Variants in PRDM1 observed in about 807,000 individuals in gnomAD.
PRDM1 encodes the protein PR/SET domain 1.
Under a neutral mutation model 62.8 loss-of-function variants are expected in PRDM1, and 13 were observed. That is an observed-to-expected ratio of 0.21 (90% confidence interval 0.13 to 0.33). The LOEUF (loss-of-function observed/expected upper bound fraction) is 0.33, where lower values mean the gene tolerates loss of function less well. Ranked by LOEUF, PRDM1 falls within the 10% of genes least tolerant of loss-of-function variation. The pLI is 1.00. For missense variants in PRDM1, 895 were observed against 1,058.8 expected (o/e 0.85, Z 2.15); for synonymous variants, 396 against 417.6 (o/e 0.95, Z 0.63).
Position 106,106,286 on chromosome 6 carries a change from G to A in PRDM1, c.1774-85G>A. On this transcript the variant is annotated intron_variant, in intron 5 of 6. Coordinates refer to ENST00000369096, the MANE Select transcript of PRDM1 (RefSeq NM_001198.4). The surrounding 1 kb of genome is among the most constrained non-coding windows in gnomAD (Gnocchi z 4.4). ...TCTTGATGCTTTTCTTAAGATATTT[G>A]CATCAACACTTGAGTCTTGGAGCAG... is the stretch of plus-strand genomic sequence containing the variant. 2.6e-6 allele frequency: 4 copies of A among 1,522,272 alleles called. No homozygotes were observed. In the South Asian group the frequency reaches 4.8e-5, roughly 18 times the overall value. 94.3% of individuals were successfully genotyped at this position (1,522,272 alleles called of 1,614,324 possible). A position where few individuals can be genotyped will look rare whatever the true frequency, so the allele number is the denominator to read the frequency against.
At chr6:106,074,388 T>C (rs1773567929) in intron 1 of PRDM1, among the ~76,000 whole-genome samples, 1 of 152,230 alleles carries the variant, frequency 6.6e-6, no homozygotes, top group African/African-American at 2.4e-5. Flanking sequence ...TCACAGCATG[T>C]TGTATAATAA....
At position 106,109,354 on chromosome 6, in the gene PRDM1, C is replaced by T. The variant is rs1054087387; in HGVS notation, c.*1868C>T. 1.3e-5 allele frequency: 3 copies of T among 232,524 alleles called. No homozygotes were observed. The highest frequency in any genetic ancestry group is 6.6e-5 in the African/African-American group (3 of 45,290). 14.4% of individuals were successfully genotyped at this position (232,524 alleles called of 1,614,324 possible). ...ACACCCAAGTCACAGAAATAAAAAACTGACTTTACCGCTGCAATTTTTCTG... is the reference window on the plus strand; with the variant it reads ...ACACCCAAGTCACAGAAATAAAAAATTGACTTTACCGCTGCAATTTTTCTG... On this transcript the variant is annotated 3_prime_UTR_variant, in exon 7 of 7. Transcript: ENST00000369096.
At chr6:105,998,918 TATATATA>T (rs1279084931) in intron 1 of PRDM1, among the ~76,000 whole-genome samples, 1 of 2,466 alleles carries the variant, frequency 4.1e-4, no homozygotes, top group Admixed American at 3.7e-3. Flanking sequence ...TATATATATA[TATATATA>T]TATATATATT....
chr6:106,048,889 C>T (rs758110359), intron 1 of PRDM1, among the ~76,000 whole-genome samples: 13 of 151,856 alleles, frequency 8.6e-5, no homozygotes, highest in South Asian at 2.1e-4. Context: ...CGTACAGTGG[C>T]GTGATCTCGG....
In PRDM1 at chr6:106,061,347, A is replaced by C. The variant is rs536575411; in HGVS notation, c.-67+12633A>C. Reference sequence around the variant, plus strand: ...TAGATGGTTCCACTGATCCGGACTGAGTGCCTTCCAGCAGTTCAGCAGTTA... The same window carrying C: ...TAGATGGTTCCACTGATCCGGACTGCGTGCCTTCCAGCAGTTCAGCAGTTA... On this transcript the variant is annotated intron_variant, in intron 1 of 6. Transcript: ENST00000651185. 6.4e-5 allele frequency among the ~76,000 whole-genome samples: 9 copies of C among 139,904 alleles called. No individual in the cohort carries two copies. The East Asian group carries it at 2.0e-3, about 31-fold the overall frequency. 91.8% of individuals were successfully genotyped at this position (139,904 alleles called of 152,430 possible).
At chr6:106,067,744 A>G (rs1773455232) in intron 1 of PRDM1, among the ~76,000 whole-genome samples, 1 of 152,192 alleles carries the variant, frequency 6.6e-6, no homozygotes, top group African/African-American at 2.4e-5. Flanking sequence ...TTATTGCTTA[A>G]TAGGATCAGA....
chr6:106,097,161 A>G (rs1043604428), intron 3 of PRDM1, among the ~76,000 whole-genome samples: 2 of 152,232 alleles, frequency 1.3e-5, no homozygotes, highest in Non-Finnish European at 2.9e-5. Context: ...CACCTGACTT[A>G]CAATGGTGGA....
chr6:106,102,210 C>T (rs533473461), intron 4 of PRDM1, among the ~76,000 whole-genome samples: 40 of 152,128 alleles, frequency 2.6e-4, no homozygotes, highest in Admixed American at 1.5e-3. Flanking sequence ...GAAATGACTC[C>T]GTCCGCCTAC....
upstream of PRDM1, among the ~76,000 whole-genome samples, chr6:106,082,757 G>A (rs1369192600): frequency 6.6e-6 from 1 of 152,176 alleles, no homozygotes; most frequent in Admixed American, 6.5e-5. Flanking sequence ...AACAGCCCCT[G>A]AAGGTCACCG....
At chr6:106,043,004 C>T (rs1467117338) in intron 1 of PRDM1, among the ~76,000 whole-genome samples, 2 of 152,162 alleles carry the variant, frequency 1.3e-5, no homozygotes, top group African/African-American at 2.4e-5. Flanking sequence ...GCATGTGCCA[C>T]CACGCCCGGC....
intron 1 of PRDM1, among the ~76,000 whole-genome samples, chr6:106,035,755 G>C (rs1382182874): frequency 6.6e-6 from 1 of 151,876 alleles, no homozygotes; most frequent in African/African-American, 2.4e-5. Flanking sequence ...TTTGTCTTTG[G>C]ATCTAAAGTG....
intron 1 of PRDM1, chr6:106,087,512 C>G: frequency 4.3e-6 from 1 of 232,694 alleles, no homozygotes; most frequent in African/African-American, 2.2e-5. Flanking sequence ...CCCATTTTTC[C>G]TCCTCTTTTC....
intron 1 of PRDM1, among the ~76,000 whole-genome samples, chr6:106,024,028 G>A (rs919952583): frequency 6.6e-6 from 1 of 152,082 alleles, no homozygotes; most frequent in Non-Finnish European, 1.5e-5. Flanking sequence ...TGTAGTCCTA[G>A]GTCCTTGGGA....
At chr6:106,004,190 A>T (rs1344308852) in intron 1 of PRDM1, among the ~76,000 whole-genome samples, 1 of 152,042 alleles carries the variant, frequency 6.6e-6, no homozygotes, top group Non-Finnish European at 1.5e-5. Flanking sequence ...TTATTGTAAC[A>T]AAGTTTTTGA....
In PRDM1 at chr6:106,108,825, G is replaced by A. The variant is rs994716174; in HGVS notation, c.*1339G>A. On this transcript the variant is annotated 3_prime_UTR_variant, in exon 7 of 7. Transcript: ENST00000369096. ...TTCAACAACAGTTACCTCATTGAGTGTGTCCAGTAGTGCAGGAAATGATGT... is the reference window on the plus strand; with the variant it reads ...TTCAACAACAGTTACCTCATTGAGTATGTCCAGTAGTGCAGGAAATGATGT... 4.3e-6 allele frequency: 1 copy of A among 232,870 alleles called. No homozygotes were observed. Among genetic ancestry groups the A allele is most frequent in the Non-Finnish European group, 8.5e-6 (1 of 117,592 alleles). 14.4% of individuals were successfully genotyped at this position (232,870 alleles called of 1,614,324 possible).
intron 1 of PRDM1, among the ~76,000 whole-genome samples, chr6:106,028,697 G>A (rs1318036862): frequency 2.0e-5 from 3 of 152,088 alleles, no homozygotes; most frequent in Non-Finnish European, 4.4e-5. Flanking sequence ...GACATCCACA[G>A]ACACATGTGA....
At position 105,998,367 on chromosome 6, in the gene PRDM1, C is replaced by T. The variant is rs966950896; in HGVS notation, c.-67+4728C>T. ...AGGAGTTCAAAGCCAGCCTGGACAACATAGCGAGACCCCATCTCCTAAAAA... is the reference window on the plus strand; with the variant it reads ...AGGAGTTCAAAGCCAGCCTGGACAATATAGCGAGACCCCATCTCCTAAAAA... On this transcript the variant is annotated intron_variant, in intron 1 of 6. Coordinates refer to the PRDM1 transcript ENST00000652320. Among the ~76,000 whole-genome samples the T allele has an allele frequency of 4.6e-5, 7 of 152,144 alleles. No homozygotes were observed. In the East Asian group the frequency reaches 1.2e-3, roughly 25 times the overall value.
At chr6:106,074,384 C>T (rs1773567838) in intron 1 of PRDM1, among the ~76,000 whole-genome samples, 1 of 152,146 alleles carries the variant, frequency 6.6e-6, no homozygotes, top group South Asian at 2.1e-4. Context: ...TTCCTCACAG[C>T]ATGTTGTATA....
At chr6:106,007,148 C>T (rs1772493494) in intron 1 of PRDM1, among the ~76,000 whole-genome samples, 1 of 151,840 alleles carries the variant, frequency 6.6e-6, no homozygotes, top group South Asian at 2.1e-4. Flanking sequence ...TTATTTGAGA[C>T]AGGCCAGGCA....
Sources: allele counts gnomAD v4.1 joint callset (sites outside exome capture counted in the v4.1 genomes callset), GRCh38; gene constraint gnomAD v4.1.1; non-coding constraint Gnocchi (gnomAD v3.1); transcripts MANE v1.5; gene names NCBI Gene and HGNC (gene_info 2026-07-23, HGNC 2026-07-21).